The following PIKFYVE variants were observed in gnomAD, a reference collection of about 807,000 sequenced individuals.
The protein encoded by PIKFYVE is phosphoinositide kinase, FYVE-type zinc finger containing.
PIKFYVE carries 122 observed loss-of-function variants against 257.9 expected under a neutral mutation model. That is an observed-to-expected ratio of 0.47 (90% CI 0.41 to 0.55). PIKFYVE has a LOEUF of 0.55. Among genes scored for constraint, PIKFYVE ranks in the 20% least tolerant of loss-of-function variants. PIKFYVE has a pLI of 0.00. For synonymous variants in PIKFYVE, 892 were observed against 868.9 expected (o/e 1.03, Z -0.47); for missense variants, 2,160 against 2,536.6 (o/e 0.85, Z 3.19).
intron 17 of PIKFYVE, 70 bp from the exon 18 acceptor site, chr2:208,324,072 C>G (rs1474383048): frequency 3.9e-6 from 6 of 1,553,884 alleles, no homozygotes; most frequent in Non-Finnish European, 5.3e-6. Flanking sequence ...CCTGTTCACT[C>G]TGATGATATT....
At chr2:208,341,646 T>C (rs759212410) in intron 31 of PIKFYVE, among the ~76,000 whole-genome samples, 31 of 152,274 alleles carry the variant, frequency 2.0e-4, no homozygotes, top group Non-Finnish European at 3.1e-4. Flanking sequence ...AGATTGCTGT[T>C]GTCTCTTTGT....
chr2:208,312,341 A>C, intron 13 of PIKFYVE, 46 bp downstream of exon 13: 1 of 1,441,926 alleles, frequency 6.9e-7, no homozygotes, highest in South Asian at 1.2e-5. Flanking sequence ...TCTTTTTTTC[A>C]TGAGGATATA....
chr2:208,305,492 A>G lies in PIKFYVE; in HGVS notation c.1636+479A>G, dbSNP rs905213012. The G allele has an allele frequency of 2.6e-5, 23 of 894,538 alleles. No homozygotes were observed. The African/African-American group carries it at 3.8e-4, about 15-fold the overall frequency. 55.4% of individuals were successfully genotyped at this position (894,538 alleles called of 1,614,324 possible). A position where few individuals can be genotyped will look rare whatever the true frequency, so the allele number is the denominator to read the frequency against. On this transcript the variant is annotated intron_variant, in intron 12 of 41. Transcript: ENST00000264380. ...TTCCAAAATATCTCCATAATAATTC[A>G]TAATGCTTATTATGTATATTCTATA...
intron 21 of PIKFYVE, 43 bp from the exon 22 acceptor site, chr2:208,329,795 TGGGG>T (rs749674622): frequency 1.2e-5 from 20 of 1,603,386 alleles, no homozygotes; most frequent in African/African-American, 2.7e-5. Flanking sequence ...GAAATGTCTC[TGGGG>T]CATGGTAATT....
At chr2:208,344,713 A>G (rs1216774410) in intron 32 of PIKFYVE, among the ~76,000 whole-genome samples, 1 of 19,160 alleles carries the variant, frequency 5.2e-5, no homozygotes, top group African/African-American at 7.0e-5. Context: ...AACATTAAAC[A>G]TTTTTTTCCC....
intron 31 of PIKFYVE, 37 bp downstream of exon 31, chr2:208,340,168 G>T (rs767321447): frequency 3.1e-6 from 5 of 1,609,748 alleles, no homozygotes; most frequent in Admixed American, 1.7e-5. Context: ...TTAGCAGGGG[G>T]GTTATTTTTC....
At position 208,335,107 on chromosome 2, in the gene PIKFYVE, TAAAAC is replaced by T. The variant is rs373244109; in HGVS notation, c.4143-194_4143-190del. ...GATGGTACTACAGCATAATGAAAGATAAAACAAAATCCCTCCAGAATTGGGGAGGA... is the reference window on the plus strand; with the variant it reads ...GATGGTACTACAGCATAATGAAAGATAAAATCCCTCCAGAATTGGGGAGGA... On this transcript the variant is annotated intron_variant, in intron 24 of 41. Coordinates refer to ENST00000264380, the MANE Select transcript of PIKFYVE (RefSeq NM_015040.4). 1.3e-4 allele frequency among the ~76,000 whole-genome samples: 20 copies of T among 152,268 alleles called. No homozygotes were observed. In the South Asian group the frequency reaches 4.1e-3, roughly 32 times the overall value.
At chr2:208,342,501 A>G in intron 31 of PIKFYVE, 53 bp from the exon 32 acceptor site, 1 of 1,358,600 alleles carries the variant, frequency 7.4e-7, no homozygotes, top group Non-Finnish European at 1.1e-6. Flanking sequence ...TCTTAATTAT[A>G]TTCTTAACTC....
rs964893889 is a variant in PIKFYVE at position 208,357,132 on chromosome 2, G to A, written c.*1827G>A. On this transcript the variant is annotated 3_prime_UTR_variant, in exon 42 of 42. Transcript: ENST00000264380. Reference sequence around the variant, plus strand: ...CTTTTGAAGATACACAAAACACTGAGGATTTTAGTTTTGAAATCAAAGACT... The same window carrying A: ...CTTTTGAAGATACACAAAACACTGAAGATTTTAGTTTTGAAATCAAAGACT... The A allele has an allele frequency of 4.6e-5, 7 of 152,152 alleles. No individual in the cohort carries two copies. The highest frequency in any genetic ancestry group is 3.2e-3 in the Middle Eastern group (1 of 316). The allele number at this position is 152,152 out of a possible 1,614,324, so 9.4% of individuals were successfully genotyped here. A position where few individuals can be genotyped will look rare whatever the true frequency, so the allele number is the denominator to read the frequency against.
At chr2:208,298,868 G>C in intron 8 of PIKFYVE, 89 bp downstream of exon 8, 1 of 1,522,422 alleles carries the variant, frequency 6.6e-7, no homozygotes, top group South Asian at 1.2e-5. Flanking sequence ...TTTGAGACAC[G>C]GTCTTGGTGT....
chr2:208,280,286 A>G (rs1377541216), intron 5 of PIKFYVE, among the ~76,000 whole-genome samples: 1 of 152,186 alleles, frequency 6.6e-6, no homozygotes, highest in Admixed American at 6.5e-5. Context: ...GGGAACAAAT[A>G]TAGGGATTCT....
Position 208,332,489 on chromosome 2 carries a change from G to A in PIKFYVE, c.3964-826G>A, listed in dbSNP as rs540215015. On this transcript the variant is annotated intron_variant, in intron 23 of 41. Coordinates refer to ENST00000264380, the MANE Select transcript of PIKFYVE (RefSeq NM_015040.4). ...TAATTTATCCCACGGGAATAATTGT[G>A]GATATTTGTAAATATGTATATACAA... Among the ~76,000 whole-genome samples, 7 of 152,138 alleles carry A rather than the reference G, an allele frequency of 4.6e-5. No homozygotes were observed. In the East Asian group the frequency reaches 1.4e-3, roughly 29 times the overall value.
intron 5 of PIKFYVE, among the ~76,000 whole-genome samples, chr2:208,282,812 A>G (rs945803757): frequency 2.0e-5 from 3 of 152,170 alleles, no homozygotes; most frequent in African/African-American, 4.8e-5. Flanking sequence ...TGTGGCAGAC[A>G]GTTTTTCCAT....
chr2:208,307,252 T>C (rs1017753979), intron 12 of PIKFYVE, among the ~76,000 whole-genome samples: 1 of 152,126 alleles, frequency 6.6e-6, no homozygotes, highest in Non-Finnish European at 1.5e-5. Flanking sequence ...TAAAGTTTGG[T>C]AGAAAGAAAA....
chr2:208,308,794 G>A (rs976523623), intron 12 of PIKFYVE, among the ~76,000 whole-genome samples: 2 of 149,060 alleles, frequency 1.3e-5, no homozygotes, highest in African/African-American at 4.9e-5. Context: ...TGCAACCTCC[G>A]CCTTCCGGGT....
intron 23 of PIKFYVE, among the ~76,000 whole-genome samples, chr2:208,332,848 C>CT (rs1286067095): frequency 6.6e-6 from 1 of 152,026 alleles, no homozygotes; most frequent in Non-Finnish European, 1.5e-5. Flanking sequence ...GGTAATGCTG[C>CT]TCTCCTCCAC....
rs771338324 is a variant in PIKFYVE at position 208,285,978 on chromosome 2, G to A, written c.821+45G>A. 4.2e-5 allele frequency: 66 copies of A among 1,566,542 alleles called. No individual in the cohort carries two copies. The East Asian group carries it at 5.2e-4, about 12-fold the overall frequency. ...ATTTTATTTAGAGTTGAAAAATATC[G>A]ATAGTTGTCTGACCTTTGAGTGCTT... On this transcript the variant is annotated intron_variant, in intron 6 of 41. Coordinates refer to ENST00000264380, the MANE Select transcript of PIKFYVE (RefSeq NM_015040.4).
intron 7 of PIKFYVE, among the ~76,000 whole-genome samples, chr2:208,289,162 G>A (rs1691969522): frequency 6.6e-6 from 1 of 152,140 alleles, no homozygotes; most frequent in South Asian, 2.1e-4. Context: ...AATACACTTG[G>A]CAAGGAATAA....
intron 16 of PIKFYVE, among the ~76,000 whole-genome samples, chr2:208,319,922 A>T (rs1362863631): frequency 1.3e-5 from 2 of 152,184 alleles, no homozygotes; most frequent in Admixed American, 1.3e-4. Context: ...GTAACCTGTC[A>T]TTAAATACTG....
Sources: allele counts gnomAD v4.1 joint callset (sites outside exome capture counted in the v4.1 genomes callset), GRCh38; gene constraint gnomAD v4.1.1; transcripts MANE v1.5; gene names NCBI Gene and HGNC (gene_info 2026-07-23, HGNC 2026-07-21).